Variants in GPI observed in about 807,000 individuals in gnomAD.
The protein encoded by GPI is D-hexose-6-phosphate anomerase.
GPI carries 56 observed loss-of-function variants against 75.8 expected under a neutral mutation model. The observed-to-expected ratio is 0.74, with a 90% CI of 0.60 to 0.92. The LOEUF (loss-of-function observed/expected upper bound fraction) is 0.92, where lower values mean the gene tolerates loss of function less well. GPI is among the 40% of genes least tolerant of loss of function. The pLI, the probability that GPI is intolerant of heterozygous loss-of-function variation, is 0.00. For synonymous variants in GPI, 288 were observed against 285.4 expected (o/e 1.01, Z -0.09); for missense variants, 638 against 741.0 (o/e 0.86, Z 1.61).
chr19:34,383,931 G>A (rs902676177), intron 9 of GPI, among the ~76,000 whole-genome samples: 1 of 152,170 alleles, frequency 6.6e-6, no homozygotes. Context: ...TTCAGGTTAG[G>A]TGTGTATAAT....
At chr19:34,368,113 A>G (rs921848800) in intron 3 of GPI, among the ~76,000 whole-genome samples, 10 of 152,034 alleles carry the variant, frequency 6.6e-5, no homozygotes, top group African/African-American at 2.4e-4. Flanking sequence ...TAGAGACAGG[A>G]TGTCACCATG....
Position 34,400,111 on chromosome 19 carries a change from A to G in GPI, c.*75A>G, listed in dbSNP as rs2075001854. 2.0e-6 allele frequency: 3 copies of G among 1,490,234 alleles called. No homozygotes were observed. The highest frequency in any genetic ancestry group is 2.3e-5 in the South Asian group (2 of 88,638). The allele number at this position is 1,490,234 out of a possible 1,614,324, so 92.3% of individuals were successfully genotyped here. ...CCCTCCTCCCCGGAGCCGGCACTGC[A>G]TGTTCCTGGACACCACCCAGAGCAC... On this transcript the variant is annotated 3_prime_UTR_variant, in exon 18 of 18. Coordinates refer to ENST00000356487, the MANE Select transcript of GPI (RefSeq NM_000175.5).
At chr19:34,365,419 C>T in intron 1 of GPI, 31 bp downstream of exon 1, 2 of 1,537,278 alleles carry the variant, frequency 1.3e-6, no homozygotes, top group Non-Finnish European at 1.7e-6. Context: ...GGGGCTGCCA[C>T]GCGCGGCGCC....
Position 34,400,620 on chromosome 19 carries a change from A to G in GPI, c.*584A>G, listed in dbSNP as rs977344172. The G allele has an allele frequency of 3.9e-5, 16 of 410,024 alleles. No individual in the cohort carries two copies. The highest frequency in any genetic ancestry group is 5.6e-5 in the Non-Finnish European group (13 of 232,026). 25.4% of individuals were successfully genotyped at this position (410,024 alleles called of 1,614,324 possible). On this transcript the variant is annotated 3_prime_UTR_variant, in exon 18 of 18. Coordinates refer to ENST00000356487, the MANE Select transcript of GPI (RefSeq NM_000175.5). ...TTCACTCGATGGTTCTAAAAACTGC[A>G]TTGAGATTATGTTTGTTTCGGGTGA...
intron 6 of GPI, among the ~76,000 whole-genome samples, chr19:34,378,485 G>C (rs966977561): frequency 6.6e-6 from 1 of 152,064 alleles, no homozygotes; most frequent in African/African-American, 2.4e-5. Flanking sequence ...CAAAGTGCTG[G>C]GATTACAGTC....
intron 4 of GPI, among the ~76,000 whole-genome samples, chr19:34,374,053 C>T (rs144621758): frequency 7.9e-5 from 12 of 151,850 alleles, no homozygotes; most frequent in African/African-American, 2.7e-4. Flanking sequence ...CTGCAACCTC[C>T]GGTCCCCGGC....
At chr19:34,377,388 C>A in intron 4 of GPI, 115 bp from the exon 5 acceptor site, 1 of 613,336 alleles carries the variant, frequency 1.6e-6, no homozygotes, top group Non-Finnish European at 2.9e-6. Context: ...AATAGAGGCA[C>A]CTGCGAGGGC....
intron 9 of GPI, among the ~76,000 whole-genome samples, chr19:34,391,299 T>A (rs558168584): frequency 1.3e-5 from 2 of 150,866 alleles, no homozygotes; most frequent in East Asian, 4.0e-4. Flanking sequence ...GGAGGTAAGA[T>A]CTGGCCCTGG....
At chr19:34,381,629 C>T (rs1437796162) in intron 9 of GPI, 110 bp downstream of exon 9, 15 of 838,754 alleles carry the variant, frequency 1.8e-5, no homozygotes, top group South Asian at 8.0e-5. Context: ...TGCTGCATAC[C>T]TAGCTTGGGG....
At chr19:34,365,560 G>T (rs955465390) in intron 1 of GPI, 172 bp downstream of exon 1, 3 of 1,120,700 alleles carry the variant, frequency 2.7e-6, no homozygotes, top group Admixed American at 2.0e-5. Flanking sequence ...TCTCCTTGGA[G>T]TGCGTTCCTG....
chr19:34,399,528 TGG>T, intron 15 of GPI, 26 bp from the exon 16 acceptor site: 6 of 1,608,332 alleles, frequency 3.7e-6, no homozygotes, highest in Non-Finnish European at 5.1e-6. Context: ...AGGACTCTCT[TGG>T]AGACATTCCT....
intron 9 of GPI, among the ~76,000 whole-genome samples, chr19:34,388,299 A>C (rs1434029017): frequency 3.3e-5 from 5 of 152,206 alleles, no homozygotes; most frequent in Non-Finnish European, 7.3e-5. Context: ...CAACACGGTG[A>C]AACCCCATCT....
chr19:34,364,995 G>A (rs1157077433), upstream of GPI: 1 of 1,532,882 alleles, frequency 6.5e-7, no homozygotes, highest in African/African-American at 1.4e-5. Flanking sequence ...TCCGGGCAGA[G>A]GCCAGCAAAG....
upstream of GPI, among the ~76,000 whole-genome samples, chr19:34,362,418 A>C (rs958438431): frequency 1.3e-5 from 2 of 152,234 alleles, no homozygotes; most frequent in East Asian, 1.9e-4. Context: ...AGAGGTGTAC[A>C]TTATGGAAGA....
At chr19:34,365,187 A>C (rs1408760275), upstream of GPI, 9 of 1,324,016 alleles carry the variant, frequency 6.8e-6, no homozygotes, top group African/African-American at 1.5e-5. Flanking sequence ...CCGCGCGCCC[A>C]CGCGCCTCGC....
intron 9 of GPI, among the ~76,000 whole-genome samples, chr19:34,384,914 A>G (rs1269277805): frequency 1.3e-5 from 2 of 151,734 alleles, no homozygotes; most frequent in South Asian, 2.1e-4. Flanking sequence ...ATGGTGGTGC[A>G]TGCCTACAGT....
At position 34,378,996 on chromosome 19, in the gene GPI, G is replaced by A. The variant is rs142635084; in HGVS notation, c.696G>A (p.Ala232=). 2.0e-4 allele frequency: 324 copies of A among 1,613,958 alleles called. 2 individuals are homozygous for A. Among genetic ancestry groups the A allele is most frequent in the African/African-American group, 1.5e-3 (110 of 75,048 alleles). The change falls in exon 7 of 18, where the codon GCG becomes GCA. Residue 232 remains alanine, a synonymous_variant. Coordinates refer to ENST00000356487, the MANE Select transcript of GPI (RefSeq NM_000175.5). ...CGGCGAAGGAGTGGTTTCTCCAGGC[G>A]GCCAAGGATGTGAGTGGGCTATAGG... is the stretch of plus-strand genomic sequence containing the variant. ...AETAKEWFLQ[A]AKDPSAVAKH...
rs143130831 is a variant in GPI, at chr19:34,379,541, T to C, written c.729T>C (p.Phe243=). Residue 243 remains phenylalanine, a synonymous_variant, in exon 8 of 18, where the codon TTT becomes TTC. Coordinates refer to ENST00000356487, the MANE Select transcript of GPI (RefSeq NM_000175.5). The part of the protein sequence containing the change: ...AKDPSAVAKH[F]VALSTNTTKV... ...AGCCTTCTGCAGTGGCGAAGCACTT[T>C]GTTGCCCTGTCTACTAACACAGTAA... The C allele has an allele frequency of 3.7e-6, 6 of 1,614,164 alleles. No individual in the cohort carries two copies. The highest frequency in any genetic ancestry group is 1.6e-4 in the Middle Eastern group (1 of 6,062).
At chr19:34,366,262 T>A (rs745381472) in intron 1 of GPI, 83 bp from the exon 2 acceptor site, 1 of 922,022 alleles carries the variant, frequency 1.1e-6, no homozygotes, top group Non-Finnish European at 1.8e-6. Context: ...AGGATGTTTC[T>A]TCTGGGAACA....
Sources: gnomAD v4.1 joint callset for allele counts (sites outside exome capture counted in the v4.1 genomes callset) on GRCh38, gnomAD v4.1.1 for gene constraint, MANE v1.5 for transcripts, NCBI Gene and HGNC (gene_info 2026-07-23, HGNC 2026-07-21) for gene names.